Variants in FSD1L observed in about 807,000 individuals in gnomAD.
FSD1L encodes the protein fibronectin type III and SPRY domain containing 1 like.
FSD1L carries 45 observed loss-of-function variants against 71.6 expected under a neutral mutation model. The observed-to-expected ratio is 0.63, with a 90% CI of 0.49 to 0.81. The LOEUF (loss-of-function observed/expected upper bound fraction) is 0.81, where lower values mean the gene tolerates loss of function less well. FSD1L is among the 30% of genes least tolerant of loss of function. The pLI is 0.00. For synonymous variants in FSD1L, 197 were observed against 207.2 expected, an observed-to-expected ratio of 0.95 and a Z score of 0.42; for missense variants, 561 against 618.1, an observed-to-expected ratio of 0.91 and a Z score of 0.98.
Position 105,461,579 on chromosome 9 carries a change from C to T in FSD1L, c.75C>T (p.Asn25=). The part of the protein sequence containing the change: ...TVDKACFLIS[N]ITIGPESINL... ...ATAAAGCCTGTTTTCTGATCTCTAACATCACTATTGGACCAGAGTCTATTA... is the reference window on the plus strand; with the variant it reads ...ATAAAGCCTGTTTTCTGATCTCTAATATCACTATTGGACCAGAGTCTATTA... The change falls in exon 2 of 14, where the codon AAC becomes AAT. Residue 25 remains asparagine (N), a synonymous_variant. Transcript: ENST00000481272. 2 of 1,551,652 alleles carry T rather than the reference C, an allele frequency of 1.3e-6. No individual in the cohort carries two copies. Among genetic ancestry groups the T allele is most frequent in the Non-Finnish European group, 1.7e-6 (2 of 1,146,624 alleles).
intron 10 of FSD1L, chr9:105,521,257 A>G: frequency 5.0e-6 from 8 of 1,614,250 alleles, no homozygotes; most frequent in Non-Finnish European, 6.8e-6. Context: ...TTGCCAAAGA[A>G]TATTCAGAGA....
chr9:105,479,281 A>G lies in FSD1L; in HGVS notation c.442-73A>G, dbSNP rs549611777. 3.0e-4 allele frequency: 409 copies of G among 1,348,914 alleles called. 2 individuals carry two copies. In the East Asian group the frequency reaches 0.01, roughly 33 times the overall value. 83.6% of individuals were successfully genotyped at this position (1,348,914 alleles called of 1,614,324 possible). A position where few individuals can be genotyped will look rare whatever the true frequency, so the allele number is the denominator to read the frequency against. On this transcript the variant is annotated intron_variant, in intron 5 of 13. Transcript: ENST00000481272. ...GGGTTTATATCCTAACTTTTCTTGC[A>G]TGTCACTGCCATTGAAACTTGCATG...
At chr9:105,539,593 T>C (rs774514191) in intron 13 of FSD1L, among the ~76,000 whole-genome samples, 6 of 152,180 alleles carry the variant, frequency 3.9e-5, no homozygotes, top group Non-Finnish European at 8.8e-5. Context: ...GATGAGTTTT[T>C]ATAGGACTGC....
At chr9:105,525,178 G>T in intron 10 of FSD1L, 1 of 1,591,298 alleles carries the variant, frequency 6.3e-7, no homozygotes, top group Non-Finnish European at 8.5e-7. Flanking sequence ...AAGAGCCTCC[G>T]ACATCTAATG....
chr9:105,459,442 A>G (rs1010554643), intron 1 of FSD1L, among the ~76,000 whole-genome samples: 1 of 152,154 alleles, frequency 6.6e-6, no homozygotes, highest in South Asian at 2.1e-4. Flanking sequence ...TAAACTTACT[A>G]TTTTAGAATG....
intron 8 of FSD1L, among the ~76,000 whole-genome samples, 172 bp downstream of exon 8, chr9:105,506,780 T>C (rs1433425601): frequency 6.6e-6 from 1 of 152,132 alleles, no homozygotes; most frequent in Non-Finnish European, 1.5e-5. Flanking sequence ...ACCCTTTTTT[T>C]TTTTTTAAGA....
intron 3 of FSD1L, among the ~76,000 whole-genome samples, chr9:105,464,991 A>C (rs930980381): frequency 6.6e-6 from 1 of 152,184 alleles, no homozygotes; most frequent in Non-Finnish European, 1.5e-5. Context: ...AAAAGAAAAG[A>C]AAATGTTATT....
At chr9:105,468,133 T>G in intron 3 of FSD1L, 60 bp from the exon 4 acceptor site, 4 of 1,216,338 alleles carry the variant, frequency 3.3e-6, no homozygotes, top group Middle Eastern at 2.1e-4. Flanking sequence ...GGCATACCTT[T>G]TAGGTTTTAA....
chr9:105,464,254 A>C lies in FSD1L; in HGVS notation c.130A>C (p.Ile44Leu). Residue 44 changes from isoleucine to leucine, a missense_variant, in exon 3 of 14, where the codon ATT becomes CTT. By Grantham distance (5) the Ile-to-Leu change is conservative. Transcript: ENST00000481272. ...ATTCTAGGAAGCTCTACAGAGGATC[A>C]TTTCAACTCTGGCAAATAAAAATGA... ...NLQQEALQRIISTLANKNDEI... is the reference protein window; with the variant it reads ...NLQQEALQRILSTLANKNDEI... 1 of 1,516,792 alleles carries C rather than the reference A, an allele frequency of 6.6e-7. No homozygotes were observed. Among genetic ancestry groups the C allele is most frequent in the Non-Finnish European group, 8.9e-7 (1 of 1,119,116 alleles). 94.0% of individuals were successfully genotyped at this position (1,516,792 alleles called of 1,614,324 possible). A position where few individuals can be genotyped will look rare whatever the true frequency, so the allele number is the denominator to read the frequency against.
chr9:105,508,859 A>G (rs1834228729), intron 9 of FSD1L, 144 bp downstream of exon 9: 5 of 535,350 alleles, frequency 9.3e-6, no homozygotes, highest in Non-Finnish European at 1.3e-5. Context: ...TAAGAATTTT[A>G]AGGGAAAATA....
chr9:105,481,790 T>G (rs550893139), intron 6 of FSD1L, among the ~76,000 whole-genome samples: 30 of 151,912 alleles, frequency 2.0e-4, no homozygotes, highest in Non-Finnish European at 1.6e-4. Context: ...TTTTTTTTTT[T>G]GGGTCAGGGT....
rs577815306 is a variant in FSD1L, at chr9:105,508,878, G to A, written c.895+163G>A. Among the ~76,000 whole-genome samples the A allele has an allele frequency of 2.6e-5, 4 of 152,318 alleles. No individual in the cohort carries two copies. The South Asian group carries it at 8.3e-4, about 32-fold the overall frequency. On this transcript the variant is annotated intron_variant, in intron 9 of 13. Coordinates refer to ENST00000481272, the MANE Select transcript of FSD1L (RefSeq NM_001145313.3). Reference sequence around the variant, plus strand: ...AATTTTAAGGGAAAATAGGACTACAGTAGTGGTTTTCATTGGGTTTTCTTA... The same window carrying A: ...AATTTTAAGGGAAAATAGGACTACAATAGTGGTTTTCATTGGGTTTTCTTA...
rs576987384 is a variant in FSD1L, at chr9:105,503,389, G to C, written c.587-3010G>C. 2.0e-5 allele frequency among the ~76,000 whole-genome samples: 3 copies of C among 152,222 alleles called. No homozygotes were observed. The South Asian group carries it at 6.2e-4, about 32-fold the overall frequency. Reference sequence around the variant, plus strand: ...TAATATTAGTTATGGACATACCTGAGTCTTAACAGTGGAAGTGACGATGAT... The same window carrying C: ...TAATATTAGTTATGGACATACCTGACTCTTAACAGTGGAAGTGACGATGAT... On this transcript the variant is annotated intron_variant, in intron 7 of 13. Coordinates refer to ENST00000481272, the MANE Select transcript of FSD1L (RefSeq NM_001145313.3).
intron 6 of FSD1L, among the ~76,000 whole-genome samples, chr9:105,481,173 GTGT>G (rs1302669155): frequency 2.5e-4 from 33 of 131,812 alleles, no homozygotes; most frequent in Non-Finnish European, 3.2e-4. Context: ...GTGTGTGTGT[GTGT>G]GTGGTTCTTT....
At chr9:105,446,105 C>CAA (rs146571180), upstream of FSD1L, among the ~76,000 whole-genome samples, 260 of 149,756 alleles carry the variant, frequency 1.7e-3, no homozygotes, top group Non-Finnish European at 2.2e-3. Context: ...ATTCAGCCCT[C>CAA]AAAAAAAAAA....
intron 1 of FSD1L, among the ~76,000 whole-genome samples, chr9:105,457,275 A>G (rs1247367121): frequency 6.6e-6 from 1 of 152,180 alleles, no homozygotes; most frequent in Non-Finnish European, 1.5e-5. Context: ...CTGGAGTGTA[A>G]CAAGGGAGAG....
At chr9:105,481,790 TG>T (rs1160228785) in intron 6 of FSD1L, among the ~76,000 whole-genome samples, 3 of 151,796 alleles carry the variant, frequency 2.0e-5, no homozygotes, top group African/African-American at 2.4e-5. Context: ...TTTTTTTTTT[TG>T]GGTCAGGGTC....
At chr9:105,524,669 G>T (rs1835394739) in intron 10 of FSD1L, 4 of 1,613,998 alleles carry the variant, frequency 2.5e-6, no homozygotes, top group Admixed American at 1.7e-5. Flanking sequence ...GTCTGAAAGA[G>T]CCTGAGCCTC....
intron 10 of FSD1L, chr9:105,525,395 A>C: frequency 6.2e-7 from 1 of 1,603,460 alleles, no homozygotes; most frequent in Non-Finnish European, 8.5e-7. Context: ...ATTTCTGAAA[A>C]ACAAGAAAGT....
Sources: allele counts gnomAD v4.1 joint callset (sites outside exome capture counted in the v4.1 genomes callset), GRCh38; gene constraint gnomAD v4.1.1; transcripts MANE v1.5; gene names NCBI Gene and HGNC (gene_info 2026-07-23, HGNC 2026-07-21).